Variants in CMTM4 observed in about 807,000 individuals in gnomAD.
CMTM4 encodes CKLF-like MARVEL transmembrane domain-containing protein 4.
In CMTM4, 8 loss-of-function variants were observed where a neutral mutation model predicts 19.0. The observed-to-expected ratio is 0.42, with a 90% CI of 0.25 to 0.76. CMTM4 has a LOEUF of 0.76. Among genes scored for constraint, CMTM4 ranks in the 30% least tolerant of loss-of-function variants. CMTM4 has a pLI of 0.27. For synonymous variants in CMTM4, 106 were observed against 121.1 expected (o/e 0.88, Z 0.82); for missense variants, 228 against 290.2 (o/e 0.79, Z 1.56).
intron 1 of CMTM4, among the ~76,000 whole-genome samples, chr16:66,655,509 G>A (rs1174165912): frequency 7.0e-6 from 1 of 143,112 alleles, no homozygotes; most frequent in Admixed American, 7.1e-5. Context: ...CTGAGGTCTA[G>A]GACAGAAACG....
chr16:66,614,073 C>T (rs1230945576), downstream of CMTM4, among the ~76,000 whole-genome samples: 8 of 152,180 alleles, frequency 5.3e-5, no homozygotes, highest in South Asian at 8.3e-4. The surrounding 1 kb of genome is among the most constrained non-coding windows in gnomAD (Gnocchi z 4.9). Flanking sequence ...AACCTAGATC[C>T]GTAGCATGCA....
chr16:66,603,273 C>T, the CMTM4 span, among the ~76,000 whole-genome samples: 132 of 152,056 alleles, frequency 8.7e-4, no homozygotes, highest in African/African-American at 3.1e-3. Flanking sequence ...TGTGGTTGGA[C>T]GCAGTCTTTA....
intron 2 of CMTM4, among the ~76,000 whole-genome samples, chr16:66,626,360 T>C (rs557850743): frequency 2.0e-5 from 3 of 152,096 alleles, no homozygotes; most frequent in Non-Finnish European, 4.4e-5. Context: ...TCCCAGCACT[T>C]TGGGAGGCCA....
At chr16:66,655,346 C>A (rs535480564) in intron 1 of CMTM4, among the ~76,000 whole-genome samples, 1 of 152,166 alleles carries the variant, frequency 6.6e-6, no homozygotes, top group East Asian at 1.9e-4. Context: ...ACAATAAGCA[C>A]CCCAAGTACC....
Position 66,696,067 on chromosome 16 carries a change from G to C in CMTM4, c.186+273C>G, listed in dbSNP as rs977683453. ...AGTAACGCCACAGACTCCCGGGAGC[G>C]AGGGCGGAGCGGACAGGTAGGCCCG... On this transcript the variant is annotated intron_variant, in intron 1 of 3. Transcript: ENST00000394106. The surrounding 1 kb of genome is among the most constrained non-coding windows in gnomAD (Gnocchi z 4.3). Among the ~76,000 whole-genome samples, 1 of 152,196 alleles carries C rather than the reference G, an allele frequency of 6.6e-6. No individual in the cohort carries two copies. The highest frequency in any genetic ancestry group is 2.4e-5 in the African/African-American group (1 of 41,460).
intron 2 of CMTM4, among the ~76,000 whole-genome samples, chr16:66,629,404 C>T (rs1280316184): frequency 6.6e-6 from 1 of 152,196 alleles, no homozygotes; most frequent in Non-Finnish European, 1.5e-5. Flanking sequence ...AATCATATCG[C>T]TCCCAGTGAA....
chr16:66,668,823 TA>T (rs148287198), intron 1 of CMTM4, among the ~76,000 whole-genome samples: 1 of 151,914 alleles, frequency 6.6e-6, no homozygotes, highest in African/African-American at 2.4e-5. Context: ...ACAACAGCTT[TA>T]AAAAAAAGGA....
intron 1 of CMTM4, among the ~76,000 whole-genome samples, chr16:66,686,448 C>T (rs1038620776): frequency 2.0e-5 from 3 of 147,730 alleles, no homozygotes; most frequent in Non-Finnish European, 3.0e-5. Context: ...ACTCAGGAGG[C>T]GGAGGCAGGA....
intron 1 of CMTM4, among the ~76,000 whole-genome samples, chr16:66,655,366 G>A (rs191298676): frequency 6.6e-5 from 10 of 152,148 alleles, no homozygotes; most frequent in South Asian, 2.1e-4. Flanking sequence ...CCAGATTGAG[G>A]TCTCTAAATA....
At chr16:66,643,212 C>A (rs2016129025) in intron 1 of CMTM4, among the ~76,000 whole-genome samples, 1 of 152,178 alleles carries the variant, frequency 6.6e-6, no homozygotes, top group Non-Finnish European at 1.5e-5. Flanking sequence ...TGAGCCACTG[C>A]ACCCAGCCAC....
chr16:66,663,245 C>G (rs1187490784), intron 1 of CMTM4, among the ~76,000 whole-genome samples: 2 of 152,086 alleles, frequency 1.3e-5, no homozygotes, highest in Admixed American at 6.5e-5. Flanking sequence ...TACAAAGAAC[C>G]AGGAAAATCT....
chr16:66,610,554 C>T (rs1047962135), downstream of CMTM4, among the ~76,000 whole-genome samples: 11 of 152,084 alleles, frequency 7.2e-5, no homozygotes, highest in Admixed American at 1.3e-4. The surrounding 1 kb of genome is among the most constrained non-coding windows in gnomAD (Gnocchi z 4.6). Context: ...TCAGCTGGCC[C>T]GAGGCTCTGG....
At chr16:66,639,825 A>G (rs773092826) in intron 1 of CMTM4, among the ~76,000 whole-genome samples, 7 of 151,944 alleles carry the variant, frequency 4.6e-5, no homozygotes, top group Non-Finnish European at 8.8e-5. Context: ...CCAGACCAGC[A>G]TGGCCAACAT....
At chr16:66,633,269 C>T (rs1364557510) in intron 2 of CMTM4, among the ~76,000 whole-genome samples, 1 of 151,692 alleles carries the variant, frequency 6.6e-6, no homozygotes, top group Admixed American at 6.6e-5. Context: ...TTTATCATTT[C>T]TCATCCATAT....
Position 66,653,826 on chromosome 16 carries a change from C to T in CMTM4, c.187-17245G>A, listed in dbSNP as rs192922669. On this transcript the variant is annotated intron_variant, in intron 1 of 3. Transcript: ENST00000394106. The stretch of plus-strand genomic sequence containing the variant: ...TCGGCTCACTGCAACCTCTGCCTAC[C>T]GGGTTCAAGCAATTCTCCCTGCCTC... 2.7e-3 allele frequency among the ~76,000 whole-genome samples: 407 copies of T among 152,226 alleles called. 2 individuals are homozygous for T. Among genetic ancestry groups the T allele is most frequent in the Non-Finnish European group, 4.3e-3 (294 of 68,014 alleles).
chr16:66,632,003 T>C (rs1567407884), intron 2 of CMTM4, among the ~76,000 whole-genome samples: 2 of 152,182 alleles, frequency 1.3e-5, no homozygotes, highest in Non-Finnish European at 2.9e-5. Context: ...GCTCAGCCAG[T>C]GGCCCCTGTG....
intron 2 of CMTM4, among the ~76,000 whole-genome samples, chr16:66,628,954 G>A (rs1052569930): frequency 1.3e-5 from 2 of 152,056 alleles, no homozygotes; most frequent in Non-Finnish European, 2.9e-5. Flanking sequence ...TTTCTCTTGG[G>A]TCATCAGATG....
chr16:66,628,661 T>TA (rs1267042834), intron 2 of CMTM4, among the ~76,000 whole-genome samples: 2 of 152,194 alleles, frequency 1.3e-5, no homozygotes, highest in African/African-American at 4.8e-5. Flanking sequence ...AAGGTACAGG[T>TA]AAAAATGGAA....
chr16:66,665,604 T>A (rs542603167), intron 1 of CMTM4, among the ~76,000 whole-genome samples: 19 of 151,596 alleles, frequency 1.3e-4, no homozygotes, highest in Non-Finnish European at 8.8e-5. Flanking sequence ...ACTAGCTGGG[T>A]GTGGTGGTAC....
Sources: allele counts gnomAD v4.1 joint callset (sites outside exome capture counted in the v4.1 genomes callset), GRCh38; gene constraint gnomAD v4.1.1; non-coding constraint Gnocchi (gnomAD v3.1); transcripts MANE v1.5; gene names NCBI Gene and HGNC (gene_info 2026-07-23, HGNC 2026-07-21).